Variants in PRKAG2 observed in about 807,000 individuals in gnomAD.
The protein encoded by PRKAG2 is protein kinase AMP-activated non-catalytic subunit gamma 2.
PRKAG2 carries 26 observed loss-of-function variants against 69.6 expected under a neutral mutation model. The ratio of observed to expected loss-of-function variants is 0.37; its 90% CI spans 0.27 to 0.52. The LOEUF (loss-of-function observed/expected upper bound fraction) is 0.52. Ranked by LOEUF, PRKAG2 falls within the 20% of genes least tolerant of loss-of-function variation. The pLI, the probability that PRKAG2 is intolerant of heterozygous loss-of-function variation, is 0.90. For missense variants in PRKAG2, 557 were observed against 740.0 expected (o/e 0.75, Z 2.87); for synonymous variants, 293 against 285.0 (o/e 1.03, Z -0.28).
In PRKAG2 at chr7:151,565,871, T is replaced by C. The variant is rs1806133228; in HGVS notation, c.1248A>G (p.Pro416=). Residue 416 remains proline, a synonymous_variant, in exon 12 of 16, where the codon CCA becomes CCG. Transcript: ENST00000287878. ...GGTTCTGCTTCATGAAGGCAGGCTT[T>C]GGCATATCAGACATCTAAACGGAAG... ...KFLQLFMSDM[P]KPAFMKQNLD... 2 of 1,613,698 alleles carry C rather than the reference T, an allele frequency of 1.2e-6. No individual in the cohort carries two copies. Among genetic ancestry groups the C allele is most frequent in the Non-Finnish European group, 1.7e-6 (2 of 1,179,544 alleles).
intron 4 of PRKAG2, among the ~76,000 whole-genome samples, chr7:151,666,738 G>C (rs1340237070): frequency 6.6e-6 from 1 of 152,034 alleles, no homozygotes; most frequent in African/African-American, 2.4e-5. Context: ...TCCCTGCCTG[G>C]GCCTAATGAA....
At chr7:151,845,758 G>C (rs561147607) in intron 1 of PRKAG2, among the ~76,000 whole-genome samples, 1 of 152,214 alleles carries the variant, frequency 6.6e-6, no homozygotes, top group Non-Finnish European at 1.5e-5. Context: ...ACACTGCGGG[G>C]GCGGGAAAGG....
At chr7:151,693,698 A>G (rs1836079922) in intron 3 of PRKAG2, among the ~76,000 whole-genome samples, 1 of 152,106 alleles carries the variant, frequency 6.6e-6, no homozygotes, top group Non-Finnish European at 1.5e-5. Flanking sequence ...GGGCCTTGGG[A>G]GGTGAGGAGG....
intron 1 of PRKAG2, among the ~76,000 whole-genome samples, chr7:151,794,439 G>C (rs567560931): frequency 1.0e-3 from 153 of 152,352 alleles, no homozygotes; most frequent in African/African-American, 3.4e-3. Flanking sequence ...TTCTTATCAC[G>C]GGCTGGTGGG....
intron 3 of PRKAG2, among the ~76,000 whole-genome samples, chr7:151,759,405 C>T (rs553085627): frequency 3.9e-5 from 6 of 152,326 alleles, no homozygotes; most frequent in Admixed American, 3.9e-4. Context: ...CCTGTGGTAC[C>T]GATTGTCCCT....
At chr7:151,695,360 A>T (rs1290724059) in intron 3 of PRKAG2, among the ~76,000 whole-genome samples, 2 of 152,082 alleles carry the variant, frequency 1.3e-5, no homozygotes, top group Non-Finnish European at 2.9e-5. Context: ...ACACCCATCC[A>T]CTTCCTGCAG....
chr7:151,806,813 A>C (rs2078125923), intron 1 of PRKAG2: 1 of 366,784 alleles, frequency 2.7e-6, no homozygotes, highest in African/African-American at 2.1e-5. Context: ...TAACACTATA[A>C]AAAGTTAGCT....
At chr7:151,615,251 C>T (rs1194460063) in intron 5 of PRKAG2, among the ~76,000 whole-genome samples, 1 of 152,190 alleles carries the variant, frequency 6.6e-6, no homozygotes, top group African/African-American at 2.4e-5. Flanking sequence ...TGTATATGTA[C>T]CACATTTTCT....
Position 151,876,684 on chromosome 7 carries a change from C to T in PRKAG2, c.-64G>A. 12 of 1,496,644 alleles carry T rather than the reference C, an allele frequency of 8.0e-6. No homozygotes were observed. The highest frequency in any genetic ancestry group is 3.4e-4 in the Middle Eastern group (2 of 5,890). The allele number at this position is 1,496,644 out of a possible 1,614,324, so 92.7% of individuals were successfully genotyped here. ...GGTTCGGTCCCCTCCTTCCCTCCCCCGGCCGCTGCCTTCGGACTGGAGCCG... is the reference window on the plus strand; with the variant it reads ...GGTTCGGTCCCCTCCTTCCCTCCCCTGGCCGCTGCCTTCGGACTGGAGCCG... On this transcript the variant is annotated 5_prime_UTR_variant, in exon 1 of 16. Coordinates refer to ENST00000287878, the MANE Select transcript of PRKAG2 (RefSeq NM_016203.4).
rs1824762529 is a variant in PRKAG2 at position 151,632,263 on chromosome 7, G to C, written c.685-125C>G. ...CGCCGCCGGGAGGAGGGGCCTGGCA[G>C]GGGACGCGGGCAGCGGGGGCCGGGG... On this transcript the variant is annotated intron_variant, in intron 4 of 15. Transcript: ENST00000287878. This position sits in a 1 kb window ranked among gnomAD's most constrained non-coding sequence, Gnocchi z 4.2. 9.6e-7 allele frequency: 1 copy of C among 1,038,934 alleles called. No individual in the cohort carries two copies. The highest frequency in any genetic ancestry group is 1.2e-6 in the Non-Finnish European group (1 of 865,324). The allele number at this position is 1,038,934 out of a possible 1,614,324, so 64.4% of individuals were successfully genotyped here. A position where few individuals can be genotyped will look rare whatever the true frequency, so the allele number is the denominator to read the frequency against.
rs1048680523 is a variant in PRKAG2 at position 151,828,656 on chromosome 7, A to G, written c.115-42115T>C. Among the ~76,000 whole-genome samples, 2 of 152,034 alleles carry G rather than the reference A, an allele frequency of 1.3e-5. No homozygotes were observed. The highest frequency in any genetic ancestry group is 2.9e-5 in the Non-Finnish European group (2 of 68,022). ...ATACTTGGGCCTGGCATGGTGGCTCACACCTGTAACTCTCAGCACTTTGGG... is the reference window on the plus strand; with the variant it reads ...ATACTTGGGCCTGGCATGGTGGCTCGCACCTGTAACTCTCAGCACTTTGGG... On this transcript the variant is annotated intron_variant, in intron 1 of 15. Coordinates refer to ENST00000287878, the MANE Select transcript of PRKAG2 (RefSeq NM_016203.4). This position sits in a 1 kb window ranked among gnomAD's most constrained non-coding sequence, Gnocchi z 4.6.
intron 5 of PRKAG2, among the ~76,000 whole-genome samples, chr7:151,621,166 CTTT>C (rs370577548): frequency 2.6e-5 from 4 of 152,290 alleles, no homozygotes; most frequent in African/African-American, 9.6e-5. Context: ...TTGTTTTCTT[CTTT>C]GTGTGCTATC....
At chr7:151,561,203 T>C (rs1180185154) in intron 14 of PRKAG2, among the ~76,000 whole-genome samples, 1 of 152,248 alleles carries the variant, frequency 6.6e-6, no homozygotes, top group Admixed American at 6.5e-5. Context: ...ATGAGCTAGC[T>C]ATGCCCTGCT....
chr7:151,777,485 T>A lies in PRKAG2; in HGVS notation c.466+3667A>T, dbSNP rs1355270887. 6.6e-5 allele frequency among the ~76,000 whole-genome samples: 10 copies of A among 152,174 alleles called. No homozygotes were observed. Among genetic ancestry groups the A allele is most frequent in the Admixed American group, 3.9e-4 (6 of 15,288 alleles). On this transcript the variant is annotated intron_variant, in intron 3 of 15. Transcript: ENST00000287878. The surrounding 1 kb of genome is among the most constrained non-coding windows in gnomAD (Gnocchi z 4.3). Reference sequence around the variant, plus strand: ...GCCTCCCTGCGGCAGTGAGTCCTGCTCTCTTAGCTGGGTGCTTTAAAGACT... The same window carrying A: ...GCCTCCCTGCGGCAGTGAGTCCTGCACTCTTAGCTGGGTGCTTTAAAGACT...
At chr7:151,588,476 C>T (rs576366760) in intron 6 of PRKAG2, among the ~76,000 whole-genome samples, 2 of 152,166 alleles carry the variant, frequency 1.3e-5, no homozygotes, top group East Asian at 3.9e-4. Flanking sequence ...GATTCTCCTG[C>T]TTCAGCCTCC....
intron 1 of PRKAG2, among the ~76,000 whole-genome samples, chr7:151,832,597 G>GGGGC (rs2079062169): frequency 6.6e-6 from 1 of 150,818 alleles, no homozygotes; most frequent in Non-Finnish European, 1.5e-5. Flanking sequence ...GGCATCTCTG[G>GGGGC]GGGGGGGGTC....
At chr7:151,696,770 A>C (rs183432260) in intron 3 of PRKAG2, among the ~76,000 whole-genome samples, 1,804 of 152,230 alleles carry the variant, frequency 0.012, 23 homozygotes, top group South Asian at 0.027. Context: ...CGATCACACC[A>C]GGGAGGAGAG....
intron 1 of PRKAG2, among the ~76,000 whole-genome samples, chr7:151,851,051 C>T (rs1168962917): frequency 1.3e-5 from 2 of 152,176 alleles, no homozygotes; most frequent in African/African-American, 4.8e-5. Context: ...TGTGCCTGGC[C>T]CTCTTTATCT....
rs1473387216 is a variant in PRKAG2 at position 151,632,512 on chromosome 7, G to A, written c.685-374C>T. 2.2e-6 allele frequency: 2 copies of A among 918,730 alleles called. No homozygotes were observed. Among genetic ancestry groups the A allele is most frequent in the Non-Finnish European group, 2.6e-6 (2 of 770,334 alleles). The allele number at this position is 918,730 out of a possible 1,614,324, so 56.9% of individuals were successfully genotyped here. On this transcript the variant is annotated intron_variant, in intron 4 of 15. Coordinates refer to ENST00000287878, the MANE Select transcript of PRKAG2 (RefSeq NM_016203.4). The surrounding 1 kb of genome is among the most constrained non-coding windows in gnomAD (Gnocchi z 4.2). The stretch of plus-strand genomic sequence containing the variant: ...GGCCGTGGCCCGCGTCCTCCCCGCC[G>A]TGCCGCCATTGGGAGAGGCCCGCGG...
Sources: gnomAD v4.1 joint callset for allele counts (sites outside exome capture counted in the v4.1 genomes callset) on GRCh38, gnomAD v4.1.1 for gene constraint, Gnocchi (gnomAD v3.1) non-coding constraint, MANE v1.5 for transcripts, NCBI Gene and HGNC (gene_info 2026-07-23, HGNC 2026-07-21) for gene names.